Variants in ATF6 observed in about 807,000 individuals in gnomAD.
ATF6 encodes the protein activating transcription factor 6.
Under a neutral mutation model 83.6 loss-of-function variants are expected in ATF6, and 53 were observed. That is an observed-to-expected ratio of 0.63 (90% CI 0.51 to 0.80). The LOEUF (loss-of-function observed/expected upper bound fraction) is 0.80. Among genes scored for constraint, ATF6 ranks in the 30% least tolerant of loss-of-function variants. The pLI, the probability that ATF6 is intolerant of heterozygous loss-of-function variation, is 0.00. For missense variants in ATF6, 744 were observed against 797.9 expected (o/e 0.93, Z 0.81); for synonymous variants, 288 against 285.8 (o/e 1.01, Z -0.08).
intron 14 of ATF6, among the ~76,000 whole-genome samples, chr1:161,908,083 A>C (rs1203889506): frequency 2.6e-5 from 4 of 152,170 alleles, no homozygotes; most frequent in Non-Finnish European, 5.9e-5. Flanking sequence ...CAATTAATGA[A>C]AGTAGTCTTG....
At chr1:161,955,492 C>A (rs1395550967) in intron 15 of ATF6, among the ~76,000 whole-genome samples, 1 of 152,140 alleles carries the variant, frequency 6.6e-6, no homozygotes, top group African/African-American at 2.4e-5. Context: ...AGGGGAGGGA[C>A]CTACAAAGAT....
intron 15 of ATF6, among the ~76,000 whole-genome samples, chr1:161,930,706 G>A (rs1558030261): frequency 6.6e-6 from 1 of 152,080 alleles, no homozygotes; most frequent in East Asian, 1.9e-4. Flanking sequence ...TTATCTCCAT[G>A]CCTTCAAGAA....
At chr1:161,953,817 C>T (rs558870212) in intron 15 of ATF6, among the ~76,000 whole-genome samples, 10 of 152,284 alleles carry the variant, frequency 6.6e-5, no homozygotes, top group African/African-American at 1.9e-4. Flanking sequence ...GCTCCCTGAC[C>T]AGCTTCAATT....
Position 161,791,492 on chromosome 1 carries a change from C to T in ATF6, c.439C>T (p.Pro147Ser). The change falls in exon 5 of 16, where the codon CCA becomes TCA. Residue 147 changes from proline (P) to serine (S), a missense_variant. Coordinates refer to ENST00000367942, the MANE Select transcript of ATF6 (RefSeq NM_007348.4). Reference sequence around the variant, plus strand: ...CTCTAATAGTCTCTCTTCAGCGGAGCCACTGAAGGAAGATAAGCCTGTCAC... The same window carrying T: ...CTCTAATAGTCTCTCTTCAGCGGAGTCACTGAAGGAAGATAAGCCTGTCAC... The part of the protein sequence containing the change: ...ENSNSLSSAE[P>S]LKEDKPVTGP... The T allele has an allele frequency of 6.2e-7, 1 of 1,612,596 alleles. No homozygotes were observed. The highest frequency in any genetic ancestry group is 8.5e-7 in the Non-Finnish European group (1 of 1,179,632).
chr1:161,821,025 A>C, intron 8 of ATF6, 45 bp from the exon 9 acceptor site: 10 of 1,352,082 alleles, frequency 7.4e-6, no homozygotes, highest in Non-Finnish European at 9.3e-6. Flanking sequence ...CTTTTTCTGA[A>C]ATCGATGTTA....
intron 14 of ATF6, among the ~76,000 whole-genome samples, chr1:161,881,457 A>G (rs1353510680): frequency 2.6e-5 from 4 of 152,154 alleles, no homozygotes; most frequent in East Asian, 1.9e-4. Context: ...CAACATGACA[A>G]CTTGCTTCAT....
At chr1:161,906,532 G>C (rs1026531883) in intron 14 of ATF6, among the ~76,000 whole-genome samples, 2 of 152,084 alleles carry the variant, frequency 1.3e-5, no homozygotes, top group Non-Finnish European at 2.9e-5. Context: ...AGTTTGTGGG[G>C]GACATCCTAC....
chr1:161,945,905 C>A (rs1404140360), intron 15 of ATF6, among the ~76,000 whole-genome samples: 2 of 152,206 alleles, frequency 1.3e-5, no homozygotes, highest in Non-Finnish European at 2.9e-5. Flanking sequence ...CCCTTGGCCA[C>A]CTGCTTTGAT....
In ATF6 at chr1:161,960,476, T is replaced by G. The variant is rs1689074815; in HGVS notation, c.*1822T>G. ...ATTAGGTCTGGCTCCTAAATAATTT[T>G]AAAGAACCATCAGCACTTCTAACTC... On this transcript the variant is annotated 3_prime_UTR_variant, in exon 16 of 16. Transcript: ENST00000367942. 1 of 152,238 alleles carries G rather than the reference T, an allele frequency of 6.6e-6. No individual in the cohort carries two copies. Among genetic ancestry groups the G allele is most frequent in the Admixed American group, 6.5e-5 (1 of 15,286 alleles). The allele number at this position is 152,238 out of a possible 1,614,324, so 9.4% of individuals were successfully genotyped here. A position where few individuals can be genotyped will look rare whatever the true frequency, so the allele number is the denominator to read the frequency against.
intron 9 of ATF6, among the ~76,000 whole-genome samples, chr1:161,842,758 AT>A (rs1176602746): frequency 1.3e-5 from 2 of 152,204 alleles, no homozygotes; most frequent in Non-Finnish European, 2.9e-5. Flanking sequence ...GAAATAAAAA[AT>A]TTTAAAAAAA....
intron 14 of ATF6, among the ~76,000 whole-genome samples, chr1:161,873,606 T>G (rs1687157851): frequency 1.3e-5 from 2 of 151,654 alleles, no homozygotes; most frequent in South Asian, 4.1e-4. Context: ...AGGCTAATAA[T>G]TGTGTGATAT....
At chr1:161,873,682 T>C (rs1254424890) in intron 14 of ATF6, among the ~76,000 whole-genome samples, 1 of 151,566 alleles carries the variant, frequency 6.6e-6, no homozygotes, top group Non-Finnish European at 1.5e-5. Flanking sequence ...TGAAGAGATA[T>C]CCAGTTCATA....
chr1:161,957,981 C>T (rs1002422322), intron 15 of ATF6, among the ~76,000 whole-genome samples: 2 of 152,136 alleles, frequency 1.3e-5, no homozygotes, highest in Non-Finnish European at 2.9e-5. Flanking sequence ...CGTACTTGGC[C>T]AGGGTCTCCT....
chr1:161,899,673 A>C (rs1232701254), intron 14 of ATF6, among the ~76,000 whole-genome samples: 1 of 152,238 alleles, frequency 6.6e-6, no homozygotes, highest in African/African-American at 2.4e-5. Context: ...TAAATAAAGT[A>C]AGTGTAGTCA....
intron 1 of ATF6, among the ~76,000 whole-genome samples, chr1:161,773,077 C>T (rs765178591): frequency 5.3e-5 from 8 of 151,180 alleles, no homozygotes; most frequent in Admixed American, 1.3e-4. Context: ...AAGCGATTCC[C>T]GCCTCAGCTT....
chr1:161,769,072 G>T (rs150771457), intron 1 of ATF6, among the ~76,000 whole-genome samples: 1 of 152,024 alleles, frequency 6.6e-6, no homozygotes, highest in Non-Finnish European at 1.5e-5. Context: ...TTCTGTAAAG[G>T]TTCAGATAGT....
chr1:161,955,501 A>T (rs1016710338), intron 15 of ATF6, among the ~76,000 whole-genome samples: 1 of 152,206 alleles, frequency 6.6e-6, no homozygotes, highest in African/African-American at 2.4e-5. Flanking sequence ...ACCTACAAAG[A>T]TCATGAGTTA....
In ATF6 at chr1:161,860,207, G is replaced by T; in HGVS notation, c.1534G>T (p.Gly512Cys). ...NNQQKTRILQGALEQGSNSQL... is the reference protein window; with the variant it reads ...NNQQKTRILQCALEQGSNSQL... ...ACTTTTTTTTTTTTTAATATTCCAG[G>T]GTGCTCTGGAACAGGGCTCAAATTC... Residue 512 changes from glycine to cysteine, a missense_variant and splice_region_variant, in exon 13 of 16, where the codon GGT becomes TGT. Transcript: ENST00000367942. 1.3e-6 allele frequency: 2 copies of T among 1,572,268 alleles called. No homozygotes were observed. The highest frequency in any genetic ancestry group is 1.2e-5 in the South Asian group (1 of 83,992).
At chr1:161,896,172 A>G (rs533173786) in intron 14 of ATF6, among the ~76,000 whole-genome samples, 2 of 152,290 alleles carry the variant, frequency 1.3e-5, no homozygotes, top group Admixed American at 6.5e-5. Flanking sequence ...CAGTGGCACA[A>G]TCTCGGCTCA....
Sources: gnomAD v4.1 joint callset for allele counts (sites outside exome capture counted in the v4.1 genomes callset) on GRCh38, gnomAD v4.1.1 for gene constraint, MANE v1.5 for transcripts, NCBI Gene and HGNC (gene_info 2026-07-23, HGNC 2026-07-21) for gene names.